Variants in NDUFA11 observed in about 807,000 individuals in gnomAD.
The protein encoded by NDUFA11 is NADH:ubiquinone oxidoreductase subunit A11.
A neutral mutation model predicts 11.3 loss-of-function variants in NDUFA11; 14 were observed. That is an observed-to-expected ratio of 1.24 (90% CI 0.82 to 1.94). The LOEUF (loss-of-function observed/expected upper bound fraction) is 1.94. Among genes scored for constraint, NDUFA11 ranks in the 30% most tolerant of loss-of-function variants. The probability of loss-of-function intolerance (pLI) is 0.00; values close to 1 mark genes in which losing one functional copy is unlikely to be tolerated. For synonymous variants in NDUFA11, 87 were observed against 85.6 expected (o/e 1.02, Z -0.09); for missense variants, 204 against 200.3 (o/e 1.02, Z -0.11).
downstream of NDUFA11, chr19:5,893,036 C>T (rs1234812359): frequency 6.5e-6 from 10 of 1,535,358 alleles, no homozygotes; most frequent in African/African-American, 1.1e-4. The surrounding 1 kb of genome is among the most constrained non-coding windows in gnomAD (Gnocchi z 4.1). Flanking sequence ...CTCAGGGAGC[C>T]CGAGGCCCGG....
chr19:5,894,998 A>G, intron 3 of NDUFA11, 144 bp from the exon 4 acceptor site: 1 of 936,928 alleles, frequency 1.1e-6, no homozygotes, highest in Non-Finnish European at 1.6e-6. Flanking sequence ...ACTCAGGAAG[A>G]GGGCCCTAGA....
At chr19:5,892,772 T>C, downstream of NDUFA11, 1 of 1,108,776 alleles carries the variant, frequency 9.0e-7, no homozygotes, top group South Asian at 2.5e-5. Context: ...GTGGATGCGA[T>C]GCCCGTGAGT....
chr19:5,903,762 G>A lies in NDUFA11; in HGVS notation c.-54C>T, dbSNP rs777725424. Reference sequence around the variant, plus strand: ...ACCCCGCCAGCTCGGGAAGCGCAAGGGCAGCCGCGGCTGGCTATCGCGAGA... The same window carrying A: ...ACCCCGCCAGCTCGGGAAGCGCAAGAGCAGCCGCGGCTGGCTATCGCGAGA... On this transcript the variant is annotated 5_prime_UTR_variant, in exon 1 of 4. Transcript: ENST00000308961. 3.9e-5 allele frequency: 60 copies of A among 1,526,676 alleles called. No individual in the cohort carries two copies. Among genetic ancestry groups the A allele is most frequent in the African/African-American group, 3.3e-4 (24 of 72,612 alleles). 94.6% of individuals were successfully genotyped at this position (1,526,676 alleles called of 1,614,324 possible).
At chr19:5,892,888 C>T (rs928677713), downstream of NDUFA11, 44 of 1,416,714 alleles carry the variant, frequency 3.1e-5, no homozygotes, top group African/African-American at 7.2e-5. Context: ...TGGGTGCTGC[C>T]GTCCTCTGAG....
chr19:5,894,813 C>G lies in NDUFA11; in HGVS notation c.355G>C (p.Gly119Arg), dbSNP rs773573167. 5.0e-6 allele frequency: 8 copies of G among 1,613,418 alleles called. No individual in the cohort carries two copies. The highest frequency in any genetic ancestry group is 2.5e-6 in the Non-Finnish European group (3 of 1,179,748). Residue 119 changes from glycine (G) to arginine (R), a missense_variant, in exon 4 of 4, where the codon GGC becomes CGC. Gly to Arg is a moderately radical substitution (Grantham distance 125). Coordinates refer to ENST00000308961, the MANE Select transcript of NDUFA11 (RefSeq NM_175614.5). ...ATCTTGACCAGGGAGGCCGCTATGC[C>G]AAAGTACACGCAGGCGGCGGCGCCA... Reference protein sequence around the residue: ...GIGAAACVYFGIAASLVKMGR... With the variant: ...GIGAAACVYFRIAASLVKMGR...
At position 5,894,940 on chromosome 19, in the gene NDUFA11, G is replaced by A. The variant is rs1224164452; in HGVS notation, c.314-86C>T. 2.1e-6 allele frequency: 3 copies of A among 1,415,266 alleles called. No individual in the cohort carries two copies. The East Asian group carries it at 7.5e-5, about 35-fold the overall frequency. 87.7% of individuals were successfully genotyped at this position (1,415,266 alleles called of 1,614,324 possible). ...ACGCCCTGGCCGGTGCCCACCCTGGGAGCCAGACTGAGACCCCTGACAGGA... is the reference window on the plus strand; with the variant it reads ...ACGCCCTGGCCGGTGCCCACCCTGGAAGCCAGACTGAGACCCCTGACAGGA... On this transcript the variant is annotated intron_variant, in intron 3 of 3. Coordinates refer to ENST00000308961, the MANE Select transcript of NDUFA11 (RefSeq NM_175614.5).
At chr19:5,895,181 C>T (rs2057600029) in intron 3 of NDUFA11, 3 of 371,482 alleles carry the variant, frequency 8.1e-6, no homozygotes, top group Admixed American at 7.9e-5. Flanking sequence ...CATGGTGACA[C>T]ATCGGTGTGT....
rs773239975 is a variant in NDUFA11 at position 5,896,456 on chromosome 19, G to A, written c.310C>T (p.Arg104Cys). ...GCAGGLTLGARTHNYGIGAAA... is the reference protein window; with the variant it reads ...GCAGGLTLGACTHNYGIGAAA... ...GGGTGGGGAGGGGGCCACTCACTGC[G>A]TGCTCCCAGAGTCAGGCCTCCGGCG... Residue 104 changes from arginine to cysteine, a missense_variant, in exon 3 of 4, where the codon CGC becomes TGC. Coordinates refer to ENST00000308961, the MANE Select transcript of NDUFA11 (RefSeq NM_175614.5). This position sits in a 1 kb window ranked among gnomAD's most constrained non-coding sequence, Gnocchi z 5.8. 72 of 1,571,000 alleles carry A rather than the reference G, an allele frequency of 4.6e-5. 1 individual carries two copies. The highest frequency in any genetic ancestry group is 6.9e-5 in the East Asian group (3 of 43,524).
rs1396968026 is a variant in NDUFA11 at position 5,896,693 on chromosome 19, T to C, written c.191-118A>G. The C allele has an allele frequency of 6.9e-7, 1 of 1,451,528 alleles. No homozygotes were observed. Among genetic ancestry groups the C allele is most frequent in the South Asian group, 1.2e-5 (1 of 83,134 alleles). The allele number at this position is 1,451,528 out of a possible 1,614,324, so 89.9% of individuals were successfully genotyped here. ...CCACGAGTCGGCTGCTCGCTGTGCA[T>C]GGCAGCCTCCTGGCCCCAGTCCTGG... is the stretch of plus-strand genomic sequence containing the variant. On this transcript the variant is annotated intron_variant, in intron 2 of 3. Transcript: ENST00000308961. This position sits in a 1 kb window ranked among gnomAD's most constrained non-coding sequence, Gnocchi z 5.8.
intron 1 of NDUFA11, among the ~76,000 whole-genome samples, chr19:5,898,894 AAAG>A (rs911897110): frequency 6.6e-6 from 1 of 151,000 alleles, no homozygotes; most frequent in Non-Finnish European, 1.5e-5. Flanking sequence ...AAAAAAAAAA[AAAG>A]AAAGAAAGGT....
At chr19:5,895,986 C>G in intron 3 of NDUFA11, 1 of 243,188 alleles carries the variant, frequency 4.1e-6, no homozygotes, top group Non-Finnish European at 8.0e-6. Context: ...CCATCCTCCT[C>G]TCTGACTCAC....
chr19:5,893,822 C>T (rs1022315017), downstream of NDUFA11, among the ~76,000 whole-genome samples: 4 of 152,168 alleles, frequency 2.6e-5, no homozygotes, highest in Non-Finnish European at 5.9e-5. This position sits in a 1 kb window ranked among gnomAD's most constrained non-coding sequence, Gnocchi z 4.1. Flanking sequence ...GGGCCGGATA[C>T]GGGTCAGGAG....
Position 5,896,114 on chromosome 19 carries a change from C to G in NDUFA11, c.313+339G>C. 2 of 538,750 alleles carry G rather than the reference C, an allele frequency of 3.7e-6. No homozygotes were observed. The highest frequency in any genetic ancestry group is 6.6e-6 in the Non-Finnish European group (2 of 305,092). The allele number at this position is 538,750 out of a possible 1,614,324, so 33.4% of individuals were successfully genotyped here. ...GATGCTGGCTTGTACACAGGGTGGT[C>G]AGGACAGTGAGGGGAACAGCATTCC... On this transcript the variant is annotated intron_variant, in intron 3 of 3. Transcript: ENST00000308961. This position sits in a 1 kb window ranked among gnomAD's most constrained non-coding sequence, Gnocchi z 5.8.
downstream of NDUFA11, chr19:5,892,602 G>C (rs781582770): frequency 1.0e-4 from 27 of 265,682 alleles, no homozygotes; most frequent in Middle Eastern, 1.6e-3. Flanking sequence ...GGACAGACAA[G>C]GCCTGGAGTG....
rs868558441 is a variant in NDUFA11, at chr19:5,898,999, C to G, written c.98-2002G>C. On this transcript the variant is annotated intron_variant, in intron 1 of 3. Coordinates refer to ENST00000308961, the MANE Select transcript of NDUFA11 (RefSeq NM_175614.5). ...AGGGACTGGAGTCCAGTACAGCCGT[C>G]CCCCCAGGACTCCCCACCTGCTCCT... is the stretch of plus-strand genomic sequence containing the variant. Among the ~76,000 whole-genome samples the G allele has an allele frequency of 2.6e-5, 4 of 151,992 alleles. No homozygotes were observed. The Middle Eastern group carries it at 0.014, about 517-fold the overall frequency.
intron 1 of NDUFA11, among the ~76,000 whole-genome samples, chr19:5,900,637 G>T (rs1167890570): frequency 6.6e-6 from 1 of 152,236 alleles, no homozygotes; most frequent in Non-Finnish European, 1.5e-5. Context: ...TAGGGAGAAG[G>T]GTGGGTGCAG....
chr19:5,894,728 G>A lies in NDUFA11; in HGVS notation c.*14C>T, dbSNP rs765624733. ...ACGCATTCTGCAGGCTGGAGGTCCC[G>A]GCAGGCACAGGGCTCACACCTTGGG... On this transcript the variant is annotated 3_prime_UTR_variant, in exon 4 of 4. Coordinates refer to ENST00000308961, the MANE Select transcript of NDUFA11 (RefSeq NM_175614.5). 5.6e-6 allele frequency: 9 copies of A among 1,611,214 alleles called. No homozygotes were observed. Among genetic ancestry groups the A allele is most frequent in the South Asian group, 1.1e-5 (1 of 90,664 alleles).
At chr19:5,900,753 A>G (rs1029983352) in intron 1 of NDUFA11, among the ~76,000 whole-genome samples, 4 of 152,072 alleles carry the variant, frequency 2.6e-5, no homozygotes, top group African/African-American at 4.8e-5. Context: ...CCTTGTCTCT[A>G]CTAAAAATAC....
chr19:5,895,496 G>A (rs2057602230), intron 3 of NDUFA11: 1 of 152,894 alleles, frequency 6.5e-6, no homozygotes, highest in African/African-American at 2.4e-5. Context: ...GGAGGGACAA[G>A]GCCTCCCCAA....
Sources: allele counts gnomAD v4.1 joint callset (sites outside exome capture counted in the v4.1 genomes callset), GRCh38; gene constraint gnomAD v4.1.1; non-coding constraint Gnocchi (gnomAD v3.1); transcripts MANE v1.5; gene names NCBI Gene and HGNC (gene_info 2026-07-23, HGNC 2026-07-21).